Variants in LIN7A observed in about 807,000 individuals in gnomAD.
The protein encoded by LIN7A is lin-7 cell polarity scaffold A.
Under a neutral mutation model 29.8 loss-of-function variants are expected in LIN7A, and 25 were observed. That is an observed-to-expected ratio of 0.84 (90% CI 0.61 to 1.17). The LOEUF is 1.17. Among genes scored for constraint, LIN7A ranks in the 50% most tolerant of loss-of-function variants. The probability of loss-of-function intolerance (pLI) is 0.00; values close to 1 mark genes in which losing one functional copy is unlikely to be tolerated. For synonymous variants in LIN7A, 118 were observed against 107.5 expected (o/e 1.10, Z -0.60); for missense variants, 239 against 287.0 (o/e 0.83, Z 1.21).
At chr12:80,827,023 T>C (rs1174131866) in intron 4 of LIN7A, among the ~76,000 whole-genome samples, 1 of 152,280 alleles carries the variant, frequency 6.6e-6, no homozygotes, top group East Asian at 1.9e-4. Context: ...AGGTCAAAGA[T>C]TACTGCTGTA....
intron 3 of LIN7A, among the ~76,000 whole-genome samples, chr12:80,846,753 A>G (rs1219552929): frequency 4.6e-5 from 7 of 152,244 alleles, no homozygotes; most frequent in Non-Finnish European, 1.0e-4. Flanking sequence ...TTTAAAATTC[A>G]TGTACTGATT....
intron 1 of LIN7A, among the ~76,000 whole-genome samples, chr12:80,930,623 C>T (rs754889230): frequency 6.6e-6 from 1 of 152,148 alleles, no homozygotes; most frequent in Admixed American, 6.5e-5. Flanking sequence ...GACATTAGCT[C>T]GTGCGATTCA....
intron 1 of LIN7A, among the ~76,000 whole-genome samples, chr12:80,931,925 C>T (rs754446415): frequency 2.2e-4 from 33 of 152,260 alleles, no homozygotes; most frequent in East Asian, 1.9e-4. Context: ...ATCTTGAAAA[C>T]GACATAAAGA....
intron 2 of LIN7A, among the ~76,000 whole-genome samples, chr12:80,868,254 C>T (rs1185588672): frequency 6.6e-6 from 1 of 152,202 alleles, no homozygotes; most frequent in Non-Finnish European, 1.5e-5. Flanking sequence ...GATAAAGAGA[C>T]ATCTGTCCTT....
intron 1 of LIN7A, among the ~76,000 whole-genome samples, chr12:80,893,896 C>T (rs1168799712): frequency 6.6e-6 from 1 of 152,126 alleles, no homozygotes; most frequent in East Asian, 1.9e-4. Context: ...GGATACACAG[C>T]AGGTGGTAAA....
intron 2 of LIN7A, among the ~76,000 whole-genome samples, chr12:80,878,783 C>T (rs1463321393): frequency 1.3e-5 from 2 of 152,126 alleles, no homozygotes; most frequent in Non-Finnish European, 2.9e-5. Context: ...CCTCTAGCCA[C>T]AGAGAGCTGA....
At chr12:80,831,422 T>C (rs1474301643) in intron 4 of LIN7A, among the ~76,000 whole-genome samples, 6 of 152,198 alleles carry the variant, frequency 3.9e-5, no homozygotes, top group Non-Finnish European at 7.3e-5. Flanking sequence ...CTATAAATAA[T>C]TGATAATGCA....
chr12:80,810,393 C>CTGTGTG lies in LIN7A; in HGVS notation c.*1066_*1071dup, dbSNP rs71094992. 1.2e-3 allele frequency among the ~76,000 whole-genome samples: 180 copies of CTGTGTG among 147,026 alleles called. 1 individual carries two copies. The highest frequency in any genetic ancestry group is 2.6e-3 in the Admixed American group (38 of 14,682). On this transcript the variant is annotated intron_variant, in intron 5 of 5. Coordinates refer to ENST00000552864, the MANE Select transcript of LIN7A (RefSeq NM_004664.4). ...AGGCTAAATATTAAATGGTATACAT[C>CTGTGTG]TGTGTGTGTGTGTGTGTGTGTGTGT...
intron 2 of LIN7A, among the ~76,000 whole-genome samples, chr12:80,882,003 A>G (rs1165359451): frequency 6.6e-6 from 1 of 152,102 alleles, no homozygotes; most frequent in Non-Finnish European, 1.5e-5. Flanking sequence ...ACTTCTTGTC[A>G]TCTAACAAGG....
chr12:80,930,585 A>G (rs1238602768), intron 1 of LIN7A, among the ~76,000 whole-genome samples: 1 of 152,236 alleles, frequency 6.6e-6, no homozygotes, highest in Non-Finnish European at 1.5e-5. Context: ...AACTCCACCC[A>G]TTTAAAAAAC....
chr12:80,834,832 T>C (rs1872537868), intron 4 of LIN7A, among the ~76,000 whole-genome samples: 1 of 152,184 alleles, frequency 6.6e-6, no homozygotes, highest in Admixed American at 6.5e-5. Context: ...TATAAACCCT[T>C]AGACTTACAC....
At chr12:80,808,699 G>A (rs1178761495) in intron 5 of LIN7A, among the ~76,000 whole-genome samples, 2 of 151,654 alleles carry the variant, frequency 1.3e-5, no homozygotes, top group East Asian at 3.9e-4. Flanking sequence ...TAGAGACGAG[G>A]TTTCACCATG....
intron 1 of LIN7A, among the ~76,000 whole-genome samples, chr12:80,896,395 T>C (rs1243725539): frequency 6.6e-6 from 1 of 152,216 alleles, no homozygotes; most frequent in Admixed American, 6.5e-5. Flanking sequence ...TACCAAATAA[T>C]GTTCAGTTTA....
chr12:80,838,106 C>A (rs1365816927), intron 4 of LIN7A, among the ~76,000 whole-genome samples: 1 of 152,168 alleles, frequency 6.6e-6, no homozygotes, highest in Non-Finnish European at 1.5e-5. Context: ...CCATTACCAG[C>A]AATCTAAATA....
At chr12:80,904,569 T>A (rs1288551803) in intron 1 of LIN7A, among the ~76,000 whole-genome samples, 7 of 152,194 alleles carry the variant, frequency 4.6e-5, no homozygotes, top group Admixed American at 4.6e-4. Context: ...TCCCTTAACA[T>A]CATGTCTTTC....
intron 4 of LIN7A, 53 bp from the exon 5 acceptor site, chr12:80,811,736 T>C: frequency 6.4e-7 from 1 of 1,557,102 alleles, no homozygotes; most frequent in South Asian, 1.2e-5. Flanking sequence ...TTCTTTTCCC[T>C]GGAGACAAAT....
intron 1 of LIN7A, among the ~76,000 whole-genome samples, chr12:80,930,279 GT>G (rs1373167568): frequency 6.6e-6 from 1 of 151,896 alleles, no homozygotes; most frequent in African/African-American, 2.4e-5. Context: ...TTTTCAAGTG[GT>G]TTTCAGGCAT....
At chr12:80,909,421 T>G (rs961165014) in intron 1 of LIN7A, among the ~76,000 whole-genome samples, 1 of 152,208 alleles carries the variant, frequency 6.6e-6, no homozygotes, top group Non-Finnish European at 1.5e-5. Flanking sequence ...TCTGTCTTAG[T>G]CCATTGAGGC....
intron 5 of LIN7A, among the ~76,000 whole-genome samples, chr12:80,801,929 C>A (rs554461031): frequency 6.8e-6 from 1 of 147,998 alleles, no homozygotes; most frequent in Non-Finnish European, 1.5e-5. Flanking sequence ...CAGTGTCTTC[C>A]TCCGTTGCCC....
Sources: gnomAD v4.1 joint callset for allele counts (sites outside exome capture counted in the v4.1 genomes callset) on GRCh38, gnomAD v4.1.1 for gene constraint, MANE v1.5 for transcripts, NCBI Gene and HGNC (gene_info 2026-07-23, HGNC 2026-07-21) for gene names.